The following PRKAR2A variants were observed in gnomAD, a reference collection of about 807,000 sequenced individuals.
PRKAR2A encodes the protein cAMP-dependent protein kinase type II-alpha regulatory subunit.
Under a neutral mutation model 51.9 loss-of-function variants are expected in PRKAR2A, and 29 were observed. That is an observed-to-expected ratio of 0.56 (90% CI 0.42 to 0.76). The LOEUF is 0.76. PRKAR2A is among the 30% of genes least tolerant of loss of function. The pLI is 0.00. For synonymous variants in PRKAR2A, 178 were observed against 186.2 expected, an observed-to-expected ratio of 0.96 and a Z score of 0.36; for missense variants, 445 against 512.1, an observed-to-expected ratio of 0.87 and a Z score of 1.26.
intron 1 of PRKAR2A, among the ~76,000 whole-genome samples, chr3:48,828,770 C>CT (rs915503502): frequency 1.8e-4 from 27 of 149,718 alleles, no homozygotes; most frequent in South Asian, 4.2e-4. Context: ...TCCTTTAAGC[C>CT]TTTTTTTTAT....
intron 1 of PRKAR2A, among the ~76,000 whole-genome samples, chr3:48,822,782 TG>T (rs11326627): frequency 0.63 from 93,097 of 148,340 alleles, 30,371 homozygotes; most frequent in East Asian, 0.96. Context: ...GGCTGGAGTG[TG>T]GTGGTGCAAT....
chr3:48,787,019 C>G (rs1489573064), intron 4 of PRKAR2A, among the ~76,000 whole-genome samples: 2 of 151,922 alleles, frequency 1.3e-5, no homozygotes, highest in East Asian at 3.9e-4. Flanking sequence ...TTCAAAGTGT[C>G]AAGATTATGA....
At chr3:48,814,365 C>A (rs972682832) in intron 1 of PRKAR2A, among the ~76,000 whole-genome samples, 1 of 152,098 alleles carries the variant, frequency 6.6e-6, no homozygotes, top group South Asian at 2.1e-4. Flanking sequence ...TTTCAGTGAG[C>A]CAAGATTTTG....
chr3:48,756,582 C>T (rs1369870511), intron 8 of PRKAR2A, 138 bp from the exon 9 acceptor site: 1 of 623,144 alleles, frequency 1.6e-6, no homozygotes, highest in African/African-American at 1.8e-5. Flanking sequence ...TAAACAAATT[C>T]AGAGCAGGCA....
At chr3:48,755,396 G>GA (rs1043656557) in intron 9 of PRKAR2A, among the ~76,000 whole-genome samples, 9 of 151,420 alleles carry the variant, frequency 5.9e-5, no homozygotes, top group East Asian at 1.9e-4. Context: ...TCTCAAAAAA[G>GA]AAAAAAAAGA....
intron 5 of PRKAR2A, among the ~76,000 whole-genome samples, chr3:48,778,740 G>A (rs984636909): frequency 2.7e-5 from 4 of 150,790 alleles, no homozygotes; most frequent in Non-Finnish European, 4.4e-5. Context: ...GGATGTTCTC[G>A]ACATCCTGAC....
Position 48,847,859 on chromosome 3 carries a change from C to A in PRKAR2A, c.-263G>T, listed in dbSNP as rs2083498591. On this transcript the variant is annotated 5_prime_UTR_variant, in exon 1 of 11. Transcript: ENST00000265563. The surrounding 1 kb of genome is among the most constrained non-coding windows in gnomAD (Gnocchi z 4.4). ...GGGCAGGCGAGCTGGACGGGCGGGG[C>A]AGGCGTCCTGGTTGTGACGCACGCC... 6.0e-6 allele frequency: 2 copies of A among 333,462 alleles called. No homozygotes were observed. Among genetic ancestry groups the A allele is most frequent in the South Asian group, 1.3e-4 (1 of 7,864 alleles). The allele number at this position is 333,462 out of a possible 1,614,324, so 20.7% of individuals were successfully genotyped here. A position where few individuals can be genotyped will look rare whatever the true frequency, so the allele number is the denominator to read the frequency against.
chr3:48,788,319 G>A (rs1007219133), intron 4 of PRKAR2A, among the ~76,000 whole-genome samples: 6 of 151,720 alleles, frequency 4.0e-5, no homozygotes, highest in African/African-American at 4.8e-5. Flanking sequence ...GTGAGCCACC[G>A]TGCCCTGCCA....
At chr3:48,814,610 G>A (rs889532132) in intron 1 of PRKAR2A, among the ~76,000 whole-genome samples, 3 of 152,136 alleles carry the variant, frequency 2.0e-5, no homozygotes, top group Non-Finnish European at 4.4e-5. Flanking sequence ...TAAACATTCT[G>A]TAATGCCTTG....
intron 2 of PRKAR2A, among the ~76,000 whole-genome samples, chr3:48,799,765 A>G (rs935774881): frequency 6.6e-6 from 1 of 152,230 alleles, no homozygotes; most frequent in African/African-American, 2.4e-5. Context: ...TAAATGTGGC[A>G]TGATGCCAAT....
In PRKAR2A at chr3:48,751,246, G is replaced by A. The variant is rs1402135489; in HGVS notation, c.*339C>T. The stretch of plus-strand genomic sequence containing the variant: ...CTTCCAAAAGCAAGAGTAGCAGCAA[G>A]AGAGGAAAGGAGCATGTTTATACTT... On this transcript the variant is annotated 3_prime_UTR_variant, in exon 11 of 11. Coordinates refer to ENST00000265563, the MANE Select transcript of PRKAR2A (RefSeq NM_004157.4). The A allele has an allele frequency of 2.1e-6, 1 of 481,234 alleles. No homozygotes were observed. The highest frequency in any genetic ancestry group is 4.1e-6 in the Non-Finnish European group (1 of 243,826). 29.8% of individuals were successfully genotyped at this position (481,234 alleles called of 1,614,324 possible).
intron 1 of PRKAR2A, among the ~76,000 whole-genome samples, chr3:48,808,397 G>A (rs994056410): frequency 3.3e-5 from 5 of 152,224 alleles, no homozygotes; most frequent in Non-Finnish European, 7.3e-5. Context: ...GGGACTACAG[G>A]CACCCGCCAC....
chr3:48,772,635 T>G (rs559932406), intron 6 of PRKAR2A, among the ~76,000 whole-genome samples: 1 of 151,924 alleles, frequency 6.6e-6, no homozygotes, highest in East Asian at 1.9e-4. Flanking sequence ...CATCAGGATG[T>G]CACAATAAAG....
downstream of PRKAR2A, chr3:48,746,511 G>A (rs1382553064): frequency 2.0e-5 from 3 of 152,110 alleles, no homozygotes; most frequent in Non-Finnish European, 4.4e-5. Flanking sequence ...TCTGCCAAAG[G>A]AGTGCTATGA....
intron 4 of PRKAR2A, among the ~76,000 whole-genome samples, chr3:48,787,263 G>A (rs2082309729): frequency 2.0e-5 from 3 of 151,994 alleles, no homozygotes; most frequent in African/African-American, 7.2e-5. Flanking sequence ...TTAGCTCACT[G>A]CAAACTCTGC....
At chr3:48,834,598 T>C (rs2107449511) in intron 1 of PRKAR2A, among the ~76,000 whole-genome samples, 1 of 151,864 alleles carries the variant, frequency 6.6e-6, no homozygotes, top group East Asian at 1.9e-4. Context: ...TGGTGGTGCA[T>C]GCCTGTAGTC....
intron 2 of PRKAR2A, among the ~76,000 whole-genome samples, chr3:48,794,299 G>A (rs2107322488): frequency 1.3e-5 from 2 of 151,692 alleles, no homozygotes; most frequent in South Asian, 4.2e-4. Flanking sequence ...TTACAGGCAT[G>A]CACCACCATG....
intron 4 of PRKAR2A, among the ~76,000 whole-genome samples, chr3:48,789,868 T>TC (rs879366080): frequency 3.0e-4 from 45 of 151,706 alleles, no homozygotes; most frequent in Non-Finnish European, 3.5e-4. Flanking sequence ...GTTCCTTCCT[T>TC]CCTTTCTTCC....
chr3:48,790,427 T>A, intron 4 of PRKAR2A, 117 bp downstream of exon 4: 1 of 614,166 alleles, frequency 1.6e-6, no homozygotes, highest in Non-Finnish European at 2.7e-6. Context: ...AAGATGAATC[T>A]AAGGTTTTAT....
Sources: allele counts gnomAD v4.1 joint callset (sites outside exome capture counted in the v4.1 genomes callset), GRCh38; gene constraint gnomAD v4.1.1; non-coding constraint Gnocchi (gnomAD v3.1); transcripts MANE v1.5; gene names NCBI Gene and HGNC (gene_info 2026-07-23, HGNC 2026-07-21).